Variants in MTNR1A observed in about 807,000 individuals in gnomAD.
The protein encoded by MTNR1A is melatonin receptor type 1A.
Under a neutral mutation model 5.5 loss-of-function variants are expected in MTNR1A, and 7 were observed. The observed-to-expected ratio is 1.28, with a 90% CI of 0.73 to 2.40. The LOEUF (loss-of-function observed/expected upper bound fraction) is 2.40. MTNR1A is among the 30% of genes most tolerant of loss of function. The pLI, the probability that MTNR1A is intolerant of heterozygous loss-of-function variation, is 0.00. For missense variants in MTNR1A, 441 were observed against 464.4 expected, an observed-to-expected ratio of 0.95 and a Z score of 0.46; for synonymous variants, 196 against 202.7, an observed-to-expected ratio of 0.97 and a Z score of 0.28.
intron 1 of MTNR1A, among the ~76,000 whole-genome samples, chr4:186,545,329 A>G (rs1737117912): frequency 1.3e-5 from 2 of 152,122 alleles, no homozygotes; most frequent in South Asian, 2.1e-4. Context: ...CTGCTCTTCC[A>G]TGCTTCCAAC....
At chr4:186,534,603 T>C (rs749815333) in intron 1 of MTNR1A, 46 bp from the exon 2 acceptor site, 3 of 1,595,532 alleles carry the variant, frequency 1.9e-6, no homozygotes, top group African/African-American at 2.7e-5. Context: ...CAGTTCACAG[T>C]GGGTTTTCTG....
chr4:186,538,595 GTCCC>G (rs1736931334), intron 1 of MTNR1A, among the ~76,000 whole-genome samples: 10 of 152,056 alleles, frequency 6.6e-5, no homozygotes, highest in Non-Finnish European at 5.9e-5. Flanking sequence ...CTTCCCCTGC[GTCCC>G]CTCCTAACAT....
Position 186,539,130 on chromosome 4 carries a change from T to A in MTNR1A, c.185-4573A>T, listed in dbSNP as rs554620674. Among the ~76,000 whole-genome samples, 21 of 148,710 alleles carry A rather than the reference T, an allele frequency of 1.4e-4. No individual in the cohort carries two copies. The South Asian group carries it at 3.8e-3, about 27-fold the overall frequency. On this transcript the variant is annotated intron_variant, in intron 1 of 1. Coordinates refer to ENST00000307161, the MANE Select transcript of MTNR1A (RefSeq NM_005958.4). The stretch of plus-strand genomic sequence containing the variant: ...TACTAGGGAGGCTGAGGCAGGAGAA[T>A]CGCTTGAACCCAGAAGGCGAAGGTT...
At position 186,541,136 on chromosome 4, in the gene MTNR1A, G is replaced by C. The variant is rs542405307; in HGVS notation, c.185-6579C>G. ...TGCCCCTGACCAGCTGAATAAGAAAGAAAAAAACCTTCTTGCCTGGTTTCC... is the reference window on the plus strand; with the variant it reads ...TGCCCCTGACCAGCTGAATAAGAAACAAAAAAACCTTCTTGCCTGGTTTCC... On this transcript the variant is annotated intron_variant, in intron 1 of 1. Transcript: ENST00000307161. 9.2e-5 allele frequency among the ~76,000 whole-genome samples: 14 copies of C among 152,202 alleles called. No individual in the cohort carries two copies. In the East Asian group the frequency reaches 2.3e-3, roughly 25 times the overall value.
chr4:186,546,380 C>T (rs576607828), intron 1 of MTNR1A, among the ~76,000 whole-genome samples: 1 of 152,004 alleles, frequency 6.6e-6, no homozygotes, highest in African/African-American at 2.4e-5. Flanking sequence ...CTTCCACACA[C>T]GGCTCTCCAC....
chr4:186,553,971 G>GT (rs1216577845), intron 1 of MTNR1A, among the ~76,000 whole-genome samples: 1 of 152,176 alleles, frequency 6.6e-6, no homozygotes, highest in African/African-American at 2.4e-5. Context: ...TTTCTCCTCT[G>GT]TAAGGCGAGT....
chr4:186,549,658 A>G (rs991393886), intron 1 of MTNR1A, among the ~76,000 whole-genome samples: 9 of 152,260 alleles, frequency 5.9e-5, no homozygotes, highest in Admixed American at 1.3e-4. Flanking sequence ...ATACTTTTGT[A>G]CCCCAAGTCT....
At chr4:186,546,865 C>T (rs1737159999) in intron 1 of MTNR1A, among the ~76,000 whole-genome samples, 2 of 143,960 alleles carry the variant, frequency 1.4e-5, no homozygotes, top group African/African-American at 2.7e-5. Context: ...TGGGACACAC[C>T]GTCCACACCA....
intron 1 of MTNR1A, among the ~76,000 whole-genome samples, chr4:186,548,473 A>C (rs1189912235): frequency 6.6e-6 from 1 of 152,144 alleles, no homozygotes; most frequent in Non-Finnish European, 1.5e-5. Flanking sequence ...CCTTAAAAAT[A>C]AAAATATGTT....
chr4:186,533,716 ATTG>A lies in MTNR1A; in HGVS notation c.1023_1025del (p.Asn343del), dbSNP rs753196392. The A allele has an allele frequency of 6.2e-7, 1 of 1,614,144 alleles. No individual in the cohort carries two copies. Among genetic ancestry groups the A allele is most frequent in the African/African-American group, 1.3e-5 (1 of 75,018 alleles). On this transcript the variant is annotated inframe_deletion, in exon 2 of 2. Transcript: ENST00000307161. ...AAACGGAGTCCACCTTTACTACATT[ATTG>A]TTGGTCATCAGTGGAGACGGTTTCC...
chr4:186,538,544 G>A (rs902439291), intron 1 of MTNR1A, among the ~76,000 whole-genome samples: 9 of 152,066 alleles, frequency 5.9e-5, no homozygotes, highest in Admixed American at 1.3e-4. Flanking sequence ...CTTGAGATTC[G>A]ACCATCCTCC....
intron 1 of MTNR1A, among the ~76,000 whole-genome samples, chr4:186,548,240 A>C (rs1489510463): frequency 6.6e-6 from 1 of 152,198 alleles, no homozygotes; most frequent in Non-Finnish European, 1.5e-5. Context: ...TAATAACTCT[A>C]AATTGCTAAA....
At position 186,555,076 on chromosome 4, in the gene MTNR1A, T is replaced by C; in HGVS notation, c.184+106A>G. 4.0e-6 allele frequency: 5 copies of C among 1,235,158 alleles called. No homozygotes were observed. Among genetic ancestry groups the C allele is most frequent in the Non-Finnish European group, 5.8e-6 (5 of 863,978 alleles). The allele number at this position is 1,235,158 out of a possible 1,614,324, so 76.5% of individuals were successfully genotyped here. ...CTCTAACAGGAAAAATAACTCCAAG[T>C]CCGCAGTGTTTAGGAAAAAGAACCA... is the stretch of plus-strand genomic sequence containing the variant. On this transcript the variant is annotated intron_variant, in intron 1 of 1. Coordinates refer to ENST00000307161, the MANE Select transcript of MTNR1A (RefSeq NM_005958.4). The surrounding 1 kb of genome is among the most constrained non-coding windows in gnomAD (Gnocchi z 4.1).
intron 1 of MTNR1A, among the ~76,000 whole-genome samples, 180 bp from the exon 2 acceptor site, chr4:186,534,737 C>T (rs1173670682): frequency 6.6e-6 from 1 of 152,156 alleles, no homozygotes; most frequent in African/African-American, 2.4e-5. Context: ...GCTCCTGACA[C>T]ATCGAATCCG....
intron 1 of MTNR1A, among the ~76,000 whole-genome samples, chr4:186,534,819 C>A (rs986703468): frequency 6.6e-6 from 1 of 152,144 alleles, no homozygotes; most frequent in Non-Finnish European, 1.5e-5. Context: ...TCAAACCGTT[C>A]GGCTTCTCAT....
intron 1 of MTNR1A, among the ~76,000 whole-genome samples, chr4:186,553,584 T>G (rs1310556578): frequency 6.6e-6 from 1 of 152,264 alleles, no homozygotes; most frequent in East Asian, 1.9e-4. Flanking sequence ...CAATCTCTGT[T>G]CACTGCAACT....
Position 186,534,201 on chromosome 4 carries a change from G to T in MTNR1A, c.541C>A (p.Gln181Lys), listed in dbSNP as rs1204290261. Residue 181 changes from glutamine to lysine, a missense_variant, in exon 2 of 2, where the codon CAG (glutamine) becomes AAG (lysine). Transcript: ENST00000307161. ...ATGGTGTAGGCGGAGCTGACGGACT[G>T]GGCGAAGGTGCACGAGTAGATCCTC... ...DPRIYSCTFA[Q>K]SVSSAYTIAV... 4 of 1,613,790 alleles carry T rather than the reference G, an allele frequency of 2.5e-6. No homozygotes were observed. The highest frequency in any genetic ancestry group is 3.4e-6 in the Non-Finnish European group (4 of 1,179,832).
chr4:186,538,225 C>A (rs1736919508), intron 1 of MTNR1A, among the ~76,000 whole-genome samples: 1 of 152,232 alleles, frequency 6.6e-6, no homozygotes, highest in Admixed American at 6.5e-5. Context: ...GATATCTTCT[C>A]CCTCCACCTT....
At chr4:186,548,967 G>A (rs1054120108) in intron 1 of MTNR1A, among the ~76,000 whole-genome samples, 3 of 150,810 alleles carry the variant, frequency 2.0e-5, no homozygotes, top group Non-Finnish European at 4.4e-5. Flanking sequence ...AGGGAACAAC[G>A]AAAGGAGCTA....
Sources: gnomAD v4.1 joint callset for allele counts (sites outside exome capture counted in the v4.1 genomes callset) on GRCh38, gnomAD v4.1.1 for gene constraint, Gnocchi (gnomAD v3.1) non-coding constraint, MANE v1.5 for transcripts, NCBI Gene and HGNC (gene_info 2026-07-23, HGNC 2026-07-21) for gene names.